WDR26: variants seen among roughly 807,000 people sequenced by gnomAD.
WDR26 encodes the protein WD repeat-containing protein 26.
WDR26 carries 5 observed loss-of-function variants against 84.1 expected under a neutral mutation model. The ratio of observed to expected loss-of-function variants is 0.06; its 90% CI spans 0.03 to 0.13. The LOEUF is 0.13. WDR26 is among the 10% of genes least tolerant of loss of function. WDR26 has a pLI of 1.00. For synonymous variants in WDR26, 415 were observed against 389.6 expected (o/e 1.07, Z -0.77); for missense variants, 642 against 974.9 (o/e 0.66, Z 4.55).
At chr1:224,389,903 AGGG>A in intron 13 of WDR26, 43 bp from the exon 14 acceptor site, 4 of 322,558 alleles carry the variant, frequency 1.2e-5, no homozygotes, top group Non-Finnish European at 1.8e-5. Flanking sequence ...CGGGCGGGGG[AGGG>A]AAGAGGGGAA....
intron 7 of WDR26, among the ~76,000 whole-genome samples, chr1:224,408,851 A>AT (rs914942753): frequency 2.6e-5 from 4 of 151,838 alleles, no homozygotes; most frequent in African/African-American, 7.3e-5. Flanking sequence ...TAAACGGTAC[A>AT]TTTTTTTCAC....
At chr1:224,392,877 A>G (rs1433332945) in intron 13 of WDR26, among the ~76,000 whole-genome samples, 1 of 151,954 alleles carries the variant, frequency 6.6e-6, no homozygotes, top group Non-Finnish European at 1.5e-5. Context: ...CACTTAACTG[A>G]GAGCAATTAG....
intron 4 of WDR26, 149 bp from the exon 5 acceptor site, chr1:224,419,764 G>A (rs1674005533): frequency 3.3e-6 from 2 of 608,520 alleles, no homozygotes; most frequent in South Asian, 2.0e-5. Context: ...ATATAATATG[G>A]CACCTGCATA....
intron 3 of WDR26, among the ~76,000 whole-genome samples, chr1:224,426,431 G>A (rs10495218): frequency 0.079 from 12,016 of 151,630 alleles, 1,481 homozygotes; most frequent in African/African-American, 0.26. Context: ...TTAAATATAC[G>A]GCTAAGGAAC....
chr1:224,391,620 G>C (rs1673130222), intron 13 of WDR26, among the ~76,000 whole-genome samples: 1 of 152,114 alleles, frequency 6.6e-6, no homozygotes, highest in Non-Finnish European at 1.5e-5. Flanking sequence ...TCAAACTCCT[G>C]GACTCAAGGG....
At position 224,431,546 on chromosome 1, in the gene WDR26, C is replaced by T. The variant is rs1167796222; in HGVS notation, c.858G>A (p.Val286=). The T allele has an allele frequency of 6.2e-7, 1 of 1,613,980 alleles. No homozygotes were observed. Among genetic ancestry groups the T allele is most frequent in the South Asian group, 1.1e-5 (1 of 91,060 alleles). Residue 286 remains valine (V), a synonymous_variant, in exon 3 of 14, where the codon GTG becomes GTA. Transcript: ENST00000414423. ...TTACCACAATAGCATGAGGAGAATG[C>T]ACTAAAGGCTTTAGTTCATTCAGGT... is the stretch of plus-strand genomic sequence containing the variant.
At chr1:224,410,029 C>T (rs911251343) in intron 7 of WDR26, among the ~76,000 whole-genome samples, 4 of 151,742 alleles carry the variant, frequency 2.6e-5, no homozygotes, top group Admixed American at 1.3e-4. Flanking sequence ...GCCTGTAATC[C>T]CAGCACTTTG....
intron 6 of WDR26, among the ~76,000 whole-genome samples, chr1:224,413,594 C>T (rs980245411): frequency 7.2e-5 from 11 of 152,080 alleles, no homozygotes; most frequent in African/African-American, 2.2e-4. Flanking sequence ...TACTATTATC[C>T]CCATTTTCAT....
At chr1:224,415,901 A>G (rs1048059040) in intron 6 of WDR26, among the ~76,000 whole-genome samples, 2 of 152,250 alleles carry the variant, frequency 1.3e-5, no homozygotes, top group Admixed American at 1.3e-4. Context: ...TAAGGTGAAG[A>G]TATAGGCTGG....
At chr1:224,428,901 T>G (rs1351054507) in intron 3 of WDR26, among the ~76,000 whole-genome samples, 1 of 126,188 alleles carries the variant, frequency 7.9e-6, no homozygotes, top group East Asian at 2.1e-4. Context: ...AGAAACTCCA[T>G]CTCAAAAAAA....
rs1673072469 is a variant in WDR26, at chr1:224,389,712, G to C, written c.*123C>G. The C allele has an allele frequency of 9.4e-7, 1 of 1,065,164 alleles. No homozygotes were observed. Among genetic ancestry groups the C allele is most frequent in the Middle Eastern group, 2.4e-4 (1 of 4,244 alleles). 66.0% of individuals were successfully genotyped at this position (1,065,164 alleles called of 1,614,324 possible). A position where few individuals can be genotyped will look rare whatever the true frequency, so the allele number is the denominator to read the frequency against. On this transcript the variant is annotated 3_prime_UTR_variant, in exon 14 of 14. Coordinates refer to ENST00000414423, the MANE Select transcript of WDR26 (RefSeq NM_001379403.1). ...TGGCCCCAATCGGGCTTCAGAAATG[G>C]TTCTTTTTTCATGACGAGCATGTCT...
At position 224,434,223 on chromosome 1, in the gene WDR26, G is replaced by C. The variant is rs1000911547; in HGVS notation, c.183C>G (p.Ser61=). 17 of 1,393,774 alleles carry C rather than the reference G, an allele frequency of 1.2e-5. No homozygotes were observed. The highest frequency in any genetic ancestry group is 1.2e-4 in the Admixed American group (4 of 33,064). 86.3% of individuals were successfully genotyped at this position (1,393,774 alleles called of 1,614,324 possible). A position where few individuals can be genotyped will look rare whatever the true frequency, so the allele number is the denominator to read the frequency against. The stretch of plus-strand genomic sequence containing the variant: ...CCACCACGGAGGAGGAGGAGGAGGA[G>C]GAGGACGAGGACGACGAGGACGGAG... The change falls in exon 1 of 14, where the codon TCC becomes TCG. Residue 61 remains serine, a synonymous_variant. Coordinates refer to ENST00000414423, the MANE Select transcript of WDR26 (RefSeq NM_001379403.1).
chr1:224,412,623 T>C (rs1673769729), intron 6 of WDR26, among the ~76,000 whole-genome samples: 1 of 152,180 alleles, frequency 6.6e-6, no homozygotes, highest in Admixed American at 6.5e-5. Flanking sequence ...TAAGCACTCA[T>C]TTAAAAAAAA....
At position 224,418,435 on chromosome 1, in the gene WDR26, T is replaced by A; in HGVS notation, c.1163-19A>T. ...AAATAGGCTTTAATAGAAGATATTTTAAAAAAGAGAAATAATAATAAACTG... is the reference window on the plus strand; with the variant it reads ...AAATAGGCTTTAATAGAAGATATTTAAAAAAAGAGAAATAATAATAAACTG... On this transcript the variant is annotated intron_variant, in intron 5 of 13. Coordinates refer to ENST00000414423, the MANE Select transcript of WDR26 (RefSeq NM_001379403.1). 1.3e-6 allele frequency: 2 copies of A among 1,573,848 alleles called. No individual in the cohort carries two copies. The highest frequency in any genetic ancestry group is 1.7e-6 in the Non-Finnish European group (2 of 1,165,324).
chr1:224,418,516 T>G (rs1048265677), intron 5 of WDR26, 100 bp from the exon 6 acceptor site: 2 of 1,137,350 alleles, frequency 1.8e-6, no homozygotes, highest in African/African-American at 3.1e-5. Flanking sequence ...CCTACCCCAA[T>G]AGTATCTATT....
In WDR26 at chr1:224,386,957, C is replaced by T. The variant is rs912841100; in HGVS notation, c.*2878G>A. ...CTACCCACATACTAATCTCAGTAAT[C>T]CCCAAGTCCAACATTTTACCATTAA... On this transcript the variant is annotated 3_prime_UTR_variant, in exon 14 of 14. Coordinates refer to ENST00000414423, the MANE Select transcript of WDR26 (RefSeq NM_001379403.1). The T allele has an allele frequency of 2.0e-5, 3 of 152,362 alleles. No individual in the cohort carries two copies. Among genetic ancestry groups the T allele is most frequent in the African/African-American group, 7.2e-5 (3 of 41,428 alleles). 9.4% of individuals were successfully genotyped at this position (152,362 alleles called of 1,614,324 possible). A position where few individuals can be genotyped will look rare whatever the true frequency, so the allele number is the denominator to read the frequency against.
In WDR26 at chr1:224,389,501, C is replaced by G; in HGVS notation, c.*334G>C. On this transcript the variant is annotated 3_prime_UTR_variant, in exon 14 of 14. Coordinates refer to ENST00000414423, the MANE Select transcript of WDR26 (RefSeq NM_001379403.1). ...TAAACTTCATTACACAGAAGAGCAA[C>G]AAGAATGGTATCCTGCCAGACAAAA... 2.0e-6 allele frequency: 1 copy of G among 501,096 alleles called. No homozygotes were observed. Among genetic ancestry groups the G allele is most frequent in the South Asian group, 3.5e-5 (1 of 28,956 alleles). 31.0% of individuals were successfully genotyped at this position (501,096 alleles called of 1,614,324 possible). A position where few individuals can be genotyped will look rare whatever the true frequency, so the allele number is the denominator to read the frequency against.
intron 4 of WDR26, among the ~76,000 whole-genome samples, chr1:224,423,356 C>G (rs1674118914): frequency 6.6e-6 from 1 of 152,132 alleles, no homozygotes; most frequent in Non-Finnish European, 1.5e-5. Flanking sequence ...CACTGCCAGC[C>G]CTGTGAGTTT....
chr1:224,389,820 G>T lies in WDR26; in HGVS notation c.*15C>A. On this transcript the variant is annotated 3_prime_UTR_variant, in exon 14 of 14. Coordinates refer to ENST00000414423, the MANE Select transcript of WDR26 (RefSeq NM_001379403.1). ...ATTTTAAGTTAAACAGAAGTCGTCT[G>T]CTCCAAATTCACCATCAACTATCCA... The T allele has an allele frequency of 2.1e-6, 3 of 1,413,214 alleles. No homozygotes were observed. Among genetic ancestry groups the T allele is most frequent in the Non-Finnish European group, 2.8e-6 (3 of 1,066,748 alleles). 87.5% of individuals were successfully genotyped at this position (1,413,214 alleles called of 1,614,324 possible). A position where few individuals can be genotyped will look rare whatever the true frequency, so the allele number is the denominator to read the frequency against.
Sources: gnomAD v4.1 joint callset for allele counts (sites outside exome capture counted in the v4.1 genomes callset) on GRCh38, gnomAD v4.1.1 for gene constraint, MANE v1.5 for transcripts, NCBI Gene and HGNC (gene_info 2026-07-23, HGNC 2026-07-21) for gene names.